Variants in KIF20B observed in about 807,000 individuals in gnomAD.
The protein encoded by KIF20B is kinesin-like protein KIF20B.
Under a neutral mutation model 232.5 loss-of-function variants are expected in KIF20B, and 188 were observed. That is an observed-to-expected ratio of 0.81 (90% CI 0.72 to 0.91). The LOEUF (loss-of-function observed/expected upper bound fraction) is 0.91. Among genes scored for constraint, KIF20B ranks in the 40% least tolerant of loss-of-function variants. KIF20B has a pLI of 0.00. For missense variants in KIF20B, 2,154 were observed against 2,055.9 expected, an observed-to-expected ratio of 1.05 and a Z score of -0.92; for synonymous variants, 712 against 683.0, an observed-to-expected ratio of 1.04 and a Z score of -0.66.
At chr10:89,734,157 C>A (rs1841590206) in intron 19 of KIF20B, among the ~76,000 whole-genome samples, 1 of 152,016 alleles carries the variant, frequency 6.6e-6, no homozygotes, top group African/African-American at 2.4e-5. Context: ...TGCCTGTAAT[C>A]CTAGCACTTT....
chr10:89,754,638 G>A lies in KIF20B; in HGVS notation c.4468G>A (p.Asp1490Asn). ...RNKEMKKYAE[D>N]RERFFKQQNE... ...TAAAGAGATGAAAAAATATGCTGAG[G>A]ACAGGGAGCGTTTTTTTAAGCAACA... Residue 1490 changes from aspartate to asparagine, a missense_variant, in exon 26 of 33, where the codon GAC (aspartate) becomes AAC (asparagine). Asp to Asn is a conservative substitution (Grantham distance 23). Coordinates refer to ENST00000371728, the MANE Select transcript of KIF20B (RefSeq NM_001284259.2). 2 of 1,592,322 alleles carry A rather than the reference G, an allele frequency of 1.3e-6. No individual in the cohort carries two copies. The highest frequency in any genetic ancestry group is 1.7e-6 in the Non-Finnish European group (2 of 1,171,304).
chr10:89,739,660 CT>C (rs200053232), intron 21 of KIF20B, among the ~76,000 whole-genome samples: 4,743 of 139,656 alleles, frequency 0.034, 353 homozygotes, highest in East Asian at 0.27. Context: ...GATTGGAGCA[CT>C]TTTTTTTTTT....
In KIF20B at chr10:89,774,114, G is replaced by A. The variant is rs1222263095; in HGVS notation, c.*66G>A. The A allele has an allele frequency of 1.0e-6, 1 of 972,492 alleles. No homozygotes were observed. Among genetic ancestry groups the A allele is most frequent in the Non-Finnish European group, 1.6e-6 (1 of 645,060 alleles). 60.2% of individuals were successfully genotyped at this position (972,492 alleles called of 1,614,324 possible). On this transcript the variant is annotated 3_prime_UTR_variant, in exon 33 of 33. Coordinates refer to ENST00000371728, the MANE Select transcript of KIF20B (RefSeq NM_001284259.2). ...GTCATTGGAACTTGCATCCTGTATT[G>A]TAAATATAAATGTATATATTATGCA...
chr10:89,724,486 G>A (rs1476427232), intron 14 of KIF20B, among the ~76,000 whole-genome samples: 3 of 152,148 alleles, frequency 2.0e-5, no homozygotes, highest in African/African-American at 7.2e-5. Context: ...CTGAGATTGT[G>A]TCACTGCACT....
At chr10:89,747,057 C>G (rs1175712592) in intron 23 of KIF20B, among the ~76,000 whole-genome samples, 4 of 152,158 alleles carry the variant, frequency 2.6e-5, no homozygotes, top group Non-Finnish European at 5.9e-5. Flanking sequence ...AATAAAATAT[C>G]TTTAAAATTA....
chr10:89,732,102 T>C (rs919122134), intron 18 of KIF20B, among the ~76,000 whole-genome samples: 33 of 149,934 alleles, frequency 2.2e-4, no homozygotes, highest in African/African-American at 7.3e-4. Flanking sequence ...TTTTTGGAAG[T>C]TCCCCCCCTC....
Position 89,710,024 on chromosome 10 carries a change from C to T in KIF20B, c.449C>T (p.Thr150Ile). Residue 150 changes from threonine (T) to isoleucine (I), a missense_variant, in exon 5 of 33, where the codon ACT becomes ATT. Thr to Ile is a moderately conservative substitution (Grantham distance 89). Coordinates refer to ENST00000371728, the MANE Select transcript of KIF20B (RefSeq NM_001284259.2). Reference sequence around the variant, plus strand: ...AAAGGACAGAGTCGTCTGATTTTTACTTACGGGCTAACCAATTCAGGAAAA... The same window carrying T: ...AAAGGACAGAGTCGTCTGATTTTTATTTACGGGCTAACCAATTCAGGAAAA... ...LLKGQSRLIF[T>I]YGLTNSGKTY... is the part of the protein sequence containing the mutation. 6.3e-7 allele frequency: 1 copy of T among 1,598,104 alleles called. No individual in the cohort carries two copies. The highest frequency in any genetic ancestry group is 8.5e-7 in the Non-Finnish European group (1 of 1,170,566).
intron 16 of KIF20B, among the ~76,000 whole-genome samples, chr10:89,727,250 TTCC>T (rs1477103970): frequency 7.8e-6 from 1 of 127,964 alleles, no homozygotes; most frequent in East Asian, 2.3e-4. Flanking sequence ...TTTTTCTGTC[TTCC>T]CCCCCCCTTT....
rs920038755 is a variant in KIF20B, at chr10:89,731,709, G to T, written c.2392-1194G>T. On this transcript the variant is annotated intron_variant, in intron 18 of 32. Transcript: ENST00000371728. The stretch of plus-strand genomic sequence containing the variant: ...CATTCTGATAGGTACCAAGGATCGG[G>T]GAAGGAACAACTTGGACTTGTTATG... 2.4e-4 allele frequency among the ~76,000 whole-genome samples: 36 copies of T among 152,226 alleles called. 1 individual carries two copies. Among genetic ancestry groups the T allele is most frequent in the Admixed American group, 1.8e-3 (27 of 15,280 alleles).
chr10:89,704,421 A>T (rs1446822112), intron 1 of KIF20B, among the ~76,000 whole-genome samples: 1 of 152,222 alleles, frequency 6.6e-6, no homozygotes, highest in East Asian at 1.9e-4. Flanking sequence ...TTCAATGGTA[A>T]TAGTTTACTG....
Position 89,717,665 on chromosome 10 carries a change from C to T in KIF20B, c.1214C>T (p.Thr405Ile). 1.9e-6 allele frequency: 3 copies of T among 1,609,574 alleles called. No homozygotes were observed. The highest frequency in any genetic ancestry group is 1.7e-6 in the Non-Finnish European group (2 of 1,176,736). Reference protein sequence around the residue: ...ERLRETGNINTSLLTLGKCIN... With the variant: ...ERLRETGNINISLLTLGKCIN... ...TTAAGAGAGACTGGGAATATCAACA[C>T]TTCTTTATTGACTCTGGGAAAGTGT... Residue 405 changes from threonine to isoleucine, a missense_variant, in exon 11 of 33, where the codon ACT (threonine) becomes ATT (isoleucine). Thr to Ile is a moderately conservative substitution (Grantham distance 89). Coordinates refer to ENST00000371728, the MANE Select transcript of KIF20B (RefSeq NM_001284259.2).
chr10:89,738,199 C>G lies in KIF20B; in HGVS notation c.3358C>G (p.Leu1120Val), dbSNP rs763383909. Reference sequence around the variant, plus strand: ...TGACCTACTAAAAGAAAAAGAAACTCTTATACAGCAGCTGAAAGAAGAATT... The same window carrying G: ...TGACCTACTAAAAGAAAAAGAAACTGTTATACAGCAGCTGAAAGAAGAATT... The part of the protein sequence containing the change: ...QDDLLKEKET[L>V]IQQLKEELQE... The change falls in exon 20 of 33, where the codon CTT (leucine) becomes GTT (valine). Residue 1120 changes from leucine to valine, a missense_variant. Transcript: ENST00000371728. 9.3e-6 allele frequency: 15 copies of G among 1,604,786 alleles called. No individual in the cohort carries two copies. The highest frequency in any genetic ancestry group is 1.0e-5 in the Non-Finnish European group (12 of 1,178,376).
rs1414798721 is a variant in KIF20B at position 89,715,020 on chromosome 10, A to C, written c.778A>C (p.Asn260His). The change falls in exon 8 of 33, where the codon AAC becomes CAC. Residue 260 changes from asparagine (N) to histidine (H), a missense_variant. Transcript: ENST00000371728. ...ATCCATAAAAGATTATGAACAAGCCAACTTGAATATGGCTAATAGTATAAA... is the reference window on the plus strand; with the variant it reads ...ATCCATAAAAGATTATGAACAAGCCCACTTGAATATGGCTAATAGTATAAA... ...EESIKDYEQA[N>H]LNMANSIKFS... The C allele has an allele frequency of 6.2e-7, 1 of 1,604,898 alleles. No homozygotes were observed. Among genetic ancestry groups the C allele is most frequent in the Non-Finnish European group, 8.5e-7 (1 of 1,175,592 alleles).
chr10:89,770,384 G>C (rs1158150913), intron 31 of KIF20B, among the ~76,000 whole-genome samples: 1 of 151,954 alleles, frequency 6.6e-6, no homozygotes, highest in African/African-American at 2.4e-5. Context: ...AAAATATCTG[G>C]AGGGACAAAC....
intron 2 of KIF20B, among the ~76,000 whole-genome samples, chr10:89,708,378 A>G (rs2133081848): frequency 6.6e-6 from 1 of 152,004 alleles, no homozygotes; most frequent in Admixed American, 6.6e-5. Flanking sequence ...TGCCTGGCTA[A>G]TTTTGTATTT....
chr10:89,764,051 C>T (rs1236295030), intron 29 of KIF20B, among the ~76,000 whole-genome samples: 1 of 114,392 alleles, frequency 8.7e-6, no homozygotes, highest in Non-Finnish European at 1.7e-5. Context: ...CCCCCCTCCC[C>T]CCACCCCACA....
chr10:89,709,097 T>G, intron 2 of KIF20B, 70 bp from the exon 3 acceptor site: 1 of 1,042,814 alleles, frequency 9.6e-7, no homozygotes, highest in East Asian at 2.4e-5. Context: ...AGTAGCCATG[T>G]TAAGGAAAAA....
In KIF20B at chr10:89,754,609, G is replaced by A. The variant is rs750217355; in HGVS notation, c.4439G>A (p.Arg1480Gln). The A allele has an allele frequency of 3.7e-6, 6 of 1,604,566 alleles. No homozygotes were observed. In the East Asian group the frequency reaches 9.0e-5, roughly 24 times the overall value. ...ITQAKEAENI[R>Q]NKEMKKYAED... ...CAAGCGAAAGAAGCAGAGAATATAC[G>A]AAATAAAGAGATGAAAAAATATGCT... The change falls in exon 26 of 33, where the codon CGA becomes CAA. Residue 1480 changes from arginine to glutamine, a missense_variant. Coordinates refer to ENST00000371728, the MANE Select transcript of KIF20B (RefSeq NM_001284259.2).
rs769072412 is a variant in KIF20B at position 89,772,696 on chromosome 10, G to T, written c.5250G>T (p.Lys1750Asn). The T allele has an allele frequency of 6.4e-7, 1 of 1,565,238 alleles. No homozygotes were observed. Among genetic ancestry groups the T allele is most frequent in the Non-Finnish European group, 8.7e-7 (1 of 1,153,252 alleles). The change falls in exon 32 of 33, where the codon AAG (lysine) becomes AAT (asparagine). Residue 1750 changes from lysine to asparagine, a missense_variant. Coordinates refer to ENST00000371728, the MANE Select transcript of KIF20B (RefSeq NM_001284259.2). ...SPSILQSKAKKIIETMSSSKL... is the reference protein window; with the variant it reads ...SPSILQSKAKNIIETMSSSKL... ...AACAATTTTATTTTATAGCAAAGAA[G>T]ATAATTGAAACAATGAGCTCTTCAA...
Sources: gnomAD v4.1 joint callset for allele counts (sites outside exome capture counted in the v4.1 genomes callset) on GRCh38, gnomAD v4.1.1 for gene constraint, MANE v1.5 for transcripts, NCBI Gene and HGNC (gene_info 2026-07-23, HGNC 2026-07-21) for gene names.